Variants in TNNI3K observed in about 807,000 individuals in gnomAD.
TNNI3K encodes TNNI3 interacting kinase.
Under a neutral mutation model 114.5 loss-of-function variants are expected in TNNI3K, and 140 were observed. The ratio of observed to expected loss-of-function variants is 1.22; its 90% CI spans 1.07 to 1.41. The LOEUF (loss-of-function observed/expected upper bound fraction) is 1.41, where lower values mean the gene tolerates loss of function less well. Ranked by LOEUF, TNNI3K falls within the 40% of genes most tolerant of loss-of-function variation. The pLI, the probability that TNNI3K is intolerant of heterozygous loss-of-function variation, is 0.00. For missense variants in TNNI3K, 1,125 were observed against 1,007.6 expected (o/e 1.12, Z -1.58); for synonymous variants, 347 against 347.5 (o/e 1.00, Z 0.02).
chr1:74,342,991 G>C lies in TNNI3K; in HGVS notation c.827+5G>C. 1 of 1,613,786 alleles carries C rather than the reference G, an allele frequency of 6.2e-7. No homozygotes were observed. Among genetic ancestry groups the C allele is most frequent in the South Asian group, 1.1e-5 (1 of 91,080 alleles). ...TGGAGATACCCCCTTACACCTGTGAGTATTATGTAGCATTCCATAGGTTCT... is the reference window on the plus strand; with the variant it reads ...TGGAGATACCCCCTTACACCTGTGACTATTATGTAGCATTCCATAGGTTCT... On this transcript the variant is annotated splice_donor_5th_base_variant and intron_variant, in intron 8 of 24. Transcript: ENST00000326637.
intron 17 of TNNI3K, among the ~76,000 whole-genome samples, chr1:74,408,666 A>G (rs544754588): frequency 2.6e-4 from 40 of 152,208 alleles, no homozygotes; most frequent in Non-Finnish European, 3.4e-4. Flanking sequence ...TCAGTTACTC[A>G]AGTTAGTCAC....
chr1:74,325,381 C>A (rs1659840771), intron 5 of TNNI3K, among the ~76,000 whole-genome samples: 1 of 152,102 alleles, frequency 6.6e-6, no homozygotes. Flanking sequence ...GTCTAGCTGT[C>A]CCATAGGGAG....
Position 74,298,725 on chromosome 1 carries a change from C to T in TNNI3K, c.444+27017C>T, listed in dbSNP as rs188372519. 1.0e-3 allele frequency among the ~76,000 whole-genome samples: 158 copies of T among 152,066 alleles called. 1 individual carries two copies. Among genetic ancestry groups the T allele is most frequent in the African/African-American group, 3.5e-3 (145 of 41,516 alleles). ...ATATAATATACTTCCCTGCCTTATGCGGGAGTTGCATCACGGAATAATATT... is the reference window on the plus strand; with the variant it reads ...ATATAATATACTTCCCTGCCTTATGTGGGAGTTGCATCACGGAATAATATT... On this transcript the variant is annotated intron_variant, in intron 5 of 24. Coordinates refer to ENST00000326637, the MANE Select transcript of TNNI3K (RefSeq NM_015978.3).
intron 11 of TNNI3K, among the ~76,000 whole-genome samples, chr1:74,355,658 A>G: frequency 6.6e-6 from 1 of 152,080 alleles, no homozygotes; most frequent in East Asian, 1.9e-4. Context: ...GTGGGATATG[A>G]AAGTCCATCA....
intron 23 of TNNI3K, among the ~76,000 whole-genome samples, chr1:74,527,663 A>G (rs1646520740): frequency 6.6e-6 from 1 of 152,190 alleles, no homozygotes; most frequent in African/African-American, 2.4e-5. Flanking sequence ...TAGGGTGTTG[A>G]TCTACATGTG....
At chr1:74,495,767 C>A (rs142990327) in intron 23 of TNNI3K, among the ~76,000 whole-genome samples, 157 of 152,280 alleles carry the variant, frequency 1.0e-3, no homozygotes, top group African/African-American at 3.5e-3. Context: ...ATAGGAGATG[C>A]ATGTTCCAGA....
chr1:74,323,347 G>C (rs1389140265), intron 5 of TNNI3K, among the ~76,000 whole-genome samples: 1 of 152,110 alleles, frequency 6.6e-6, no homozygotes, highest in African/African-American at 2.4e-5. Context: ...AAACCTCTGA[G>C]CTTCACTGTC....
chr1:74,464,594 G>A (rs1241329171), intron 21 of TNNI3K: 2 of 1,532,592 alleles, frequency 1.3e-6, no homozygotes, highest in East Asian at 4.8e-5. Context: ...CAGTCCAGAT[G>A]TTTGAAAAGA....
chr1:74,454,681 G>C (rs1667159001), intron 20 of TNNI3K, among the ~76,000 whole-genome samples: 1 of 152,116 alleles, frequency 6.6e-6, no homozygotes, highest in Non-Finnish European at 1.5e-5. Flanking sequence ...GTAAACATGG[G>C]AGTGCAGCTA....
intron 23 of TNNI3K, among the ~76,000 whole-genome samples, chr1:74,532,202 T>A (rs1646596288): frequency 6.6e-6 from 1 of 152,202 alleles, no homozygotes; most frequent in Non-Finnish European, 1.5e-5. Context: ...GTGTATCTCA[T>A]GTTTTAGCAT....
rs548698862 is a variant in TNNI3K at position 74,476,859 on chromosome 1, G to A, written c.2122-12330G>A. Among the ~76,000 whole-genome samples the A allele has an allele frequency of 2.0e-5, 3 of 152,218 alleles. No individual in the cohort carries two copies. The South Asian group carries it at 6.2e-4, about 32-fold the overall frequency. On this transcript the variant is annotated intron_variant, in intron 21 of 24. Coordinates refer to ENST00000326637, the MANE Select transcript of TNNI3K (RefSeq NM_015978.3). ...TTTTTAAAACTTAAATGAAAAGGGAGGGTATCAGGTCATGATTGTTTCTTT... is the reference window on the plus strand; with the variant it reads ...TTTTTAAAACTTAAATGAAAAGGGAAGGTATCAGGTCATGATTGTTTCTTT...
chr1:74,344,417 T>G (rs1290228214), intron 9 of TNNI3K, among the ~76,000 whole-genome samples: 1 of 152,198 alleles, frequency 6.6e-6, no homozygotes, highest in Non-Finnish European at 1.5e-5. Context: ...AATGGCTACC[T>G]AATTCTAAAT....
At chr1:74,270,212 T>C (rs1170195992) in intron 4 of TNNI3K, among the ~76,000 whole-genome samples, 4 of 151,734 alleles carry the variant, frequency 2.6e-5, no homozygotes, top group Non-Finnish European at 5.9e-5. Flanking sequence ...AGAATAAGTA[T>C]GGTGAACTCA....
chr1:74,323,591 G>A (rs1014396919), intron 5 of TNNI3K, among the ~76,000 whole-genome samples: 2 of 152,202 alleles, frequency 1.3e-5, no homozygotes, highest in Non-Finnish European at 1.5e-5. Flanking sequence ...AGGACTATCA[G>A]TTGCCAAAGA....
intron 7 of TNNI3K, among the ~76,000 whole-genome samples, chr1:74,342,181 G>C (rs185123086): frequency 3.9e-5 from 6 of 152,260 alleles, no homozygotes; most frequent in East Asian, 3.9e-4. Flanking sequence ...ACCCAGACGT[G>C]AGAAGAGGTT....
At chr1:74,543,228 C>T (rs1646748999) in intron 24 of TNNI3K, among the ~76,000 whole-genome samples, 1 of 151,744 alleles carries the variant, frequency 6.6e-6, no homozygotes, top group Non-Finnish European at 1.5e-5. Flanking sequence ...GCACATGCCA[C>T]CACACCCGGC....
chr1:74,391,957 A>ATTTTTTTTTTT (rs34656417), intron 17 of TNNI3K, among the ~76,000 whole-genome samples: 21 of 92,988 alleles, frequency 2.3e-4, no homozygotes, highest in African/African-American at 5.1e-4. Context: ...ACAGCTTATT[A>ATTTTTTTTTTT]TTTTTTTTTT....
chr1:74,478,979 T>C (rs139277121), intron 21 of TNNI3K, among the ~76,000 whole-genome samples: 9 of 152,324 alleles, frequency 5.9e-5, no homozygotes, highest in African/African-American at 1.9e-4. Flanking sequence ...TGATGGTAGT[T>C]CCATTGTCTA....
At chr1:74,377,976 A>G (rs1662994276) in intron 17 of TNNI3K, among the ~76,000 whole-genome samples, 1 of 152,122 alleles carries the variant, frequency 6.6e-6, no homozygotes, top group South Asian at 2.1e-4. Context: ...ATGTTTTCGT[A>G]ATGCTTCCAG....
Sources: allele counts gnomAD v4.1 joint callset (sites outside exome capture counted in the v4.1 genomes callset), GRCh38; gene constraint gnomAD v4.1.1; transcripts MANE v1.5; gene names NCBI Gene and HGNC (gene_info 2026-07-23, HGNC 2026-07-21).